DCAF1: variants seen among roughly 807,000 people sequenced by gnomAD.
DCAF1 encodes DDB1 and CUL4 associated factor 1.
Under a neutral mutation model 128.0 loss-of-function variants are expected in DCAF1, and 15 were observed. That is an observed-to-expected ratio of 0.12 (90% CI 0.08 to 0.18). The LOEUF (loss-of-function observed/expected upper bound fraction) is 0.18, where lower values mean the gene tolerates loss of function less well. DCAF1 is among the 10% of genes least tolerant of loss of function. The pLI is 1.00. For synonymous variants in DCAF1, 610 were observed against 603.0 expected (o/e 1.01, Z -0.17); for missense variants, 988 against 1,649.5 (o/e 0.60, Z 6.95).
intron 5 of DCAF1, among the ~76,000 whole-genome samples, chr3:51,464,566 C>T (rs1045237875): frequency 6.6e-6 from 1 of 151,834 alleles, no homozygotes; most frequent in Non-Finnish European, 1.5e-5. Context: ...CATGGTGGCA[C>T]ATGCCTGTGG....
rs1703214426 is a variant in DCAF1, at chr3:51,458,822, C to A, written c.375+4292G>T. On this transcript the variant is annotated intron_variant, in intron 6 of 24. Transcript: ENST00000684031. The stretch of plus-strand genomic sequence containing the variant: ...CCTGCTCCTGAATGACTACTAGGTA[C>A]ATAATGAAATGAAGGCAGAAATAAA... Among the ~76,000 whole-genome samples, 8 of 152,236 alleles carry A rather than the reference C, an allele frequency of 5.3e-5. No individual in the cohort carries two copies. In the South Asian group the frequency reaches 1.2e-3, roughly 24 times the overall value.
At chr3:51,456,672 C>T (rs993837107) in intron 6 of DCAF1, among the ~76,000 whole-genome samples, 21 of 152,298 alleles carry the variant, frequency 1.4e-4, no homozygotes, top group African/African-American at 3.4e-4. Flanking sequence ...CCAGTAGGGG[C>T]GGACTGACAC....
chr3:51,420,201 C>T lies in DCAF1; in HGVS notation c.2769G>A (p.Ala923=), dbSNP rs781936668. Reference sequence around the variant, plus strand: ...GAGGATGAGCAGTAGGGGCAGAAGGCGCAGAGGCACCCACAGCAGCATGGC... The same window carrying T: ...GAGGATGAGCAGTAGGGGCAGAAGGTGCAGAGGCACCCACAGCAGCATGGC... ...LGSHAAVGAS[A]PSAPTAHPQP... Residue 923 remains alanine, a synonymous_variant, in exon 15 of 25, where the codon GCG becomes GCA. Transcript: ENST00000684031. The surrounding 1 kb of genome is among the most constrained non-coding windows in gnomAD (Gnocchi z 6.5). The T allele has an allele frequency of 1.2e-5, 19 of 1,613,830 alleles. No homozygotes were observed. The Admixed American group carries it at 1.5e-4, about 13-fold the overall frequency.
chr3:51,446,963 A>AATAATAAT (rs1701913898), intron 6 of DCAF1, among the ~76,000 whole-genome samples: 5 of 136,968 alleles, frequency 3.7e-5, no homozygotes, highest in Admixed American at 1.5e-4. Context: ...TTTGTCTCAA[A>AATAATAAT]AATAATAATA....
intron 6 of DCAF1, among the ~76,000 whole-genome samples, chr3:51,447,879 C>CA (rs1419196157): frequency 2.0e-5 from 3 of 151,850 alleles, no homozygotes; most frequent in Non-Finnish European, 4.4e-5. Flanking sequence ...ACCTGGGAGG[C>CA]AGAGTTGCAG....
chr3:51,465,936 C>T (rs542965350), intron 5 of DCAF1, among the ~76,000 whole-genome samples: 7 of 151,884 alleles, frequency 4.6e-5, no homozygotes, highest in Non-Finnish European at 8.8e-5. Flanking sequence ...CAGTGGTTCA[C>T]GTCTGTAATC....
chr3:51,396,302 C>G (rs561984480), downstream of DCAF1: 24 of 185,706 alleles, frequency 1.3e-4, no homozygotes, highest in Non-Finnish European at 2.6e-4. Context: ...TCCCATGGCC[C>G]CAAAAAGAAC....
intron 10 of DCAF1, among the ~76,000 whole-genome samples, chr3:51,432,495 G>A (rs1700480024): frequency 6.6e-6 from 1 of 150,736 alleles, no homozygotes; most frequent in Non-Finnish European, 1.5e-5. Flanking sequence ...GTCTTGCTCT[G>A]TAGCCCAGGC....
At chr3:51,436,043 C>T (rs1700797047) in intron 9 of DCAF1, among the ~76,000 whole-genome samples, 2 of 152,184 alleles carry the variant, frequency 1.3e-5, no homozygotes, top group South Asian at 4.1e-4. Context: ...GAAGAAAATT[C>T]CCAGGATGAT....
intron 13 of DCAF1, among the ~76,000 whole-genome samples, chr3:51,423,819 CAAAAAAAA>C (rs200404018): frequency 1.1e-4 from 8 of 70,658 alleles, no homozygotes; most frequent in African/African-American, 4.1e-4. Flanking sequence ...GACTCCGTTT[CAAAAAAAA>C]AAAAAAAAAG....
intron 5 of DCAF1, 86 bp downstream of exon 5, chr3:51,466,717 G>T: frequency 7.3e-7 from 1 of 1,376,454 alleles, no homozygotes; most frequent in Non-Finnish European, 1.0e-6. Context: ...AAGGCCTTAG[G>T]AGAAGGCAAA....
At chr3:51,490,532 A>G (rs1707511279) in intron 2 of DCAF1, among the ~76,000 whole-genome samples, 1 of 152,218 alleles carries the variant, frequency 6.6e-6, no homozygotes, top group Admixed American at 6.6e-5. Context: ...TAACCTAAAT[A>G]AACAAAAAGA....
At chr3:51,486,815 GTAGAGA>G (rs1707013501) in intron 2 of DCAF1, among the ~76,000 whole-genome samples, 1 of 151,664 alleles carries the variant, frequency 6.6e-6, no homozygotes, top group African/African-American at 2.4e-5. Flanking sequence ...TGTATTTTTA[GTAGAGA>G]TAGAGTTTCA....
intron 17 of DCAF1, 34 bp from the exon 18 acceptor site, chr3:51,416,905 G>T (rs374432545): frequency 7.7e-5 from 121 of 1,580,050 alleles, no homozygotes; most frequent in Non-Finnish European, 1.0e-4. Flanking sequence ...TGAAGTGACA[G>T]ATCTTCAGGA....
chr3:51,422,511 C>G (rs1699497307), intron 13 of DCAF1, 80 bp from the exon 14 acceptor site: 1 of 702,514 alleles, frequency 1.4e-6, no homozygotes, highest in Non-Finnish European at 2.7e-6. Context: ...GACACACAGA[C>G]AGATAGACAC....
At chr3:51,492,099 CA>C (rs1210242501) in intron 2 of DCAF1, among the ~76,000 whole-genome samples, 1 of 148,642 alleles carries the variant, frequency 6.7e-6, no homozygotes, top group Non-Finnish European at 1.5e-5. Context: ...GCGGAAGTTG[CA>C]GTGAGCCGAG....
At chr3:51,431,400 A>C (rs1321076748) in intron 10 of DCAF1, among the ~76,000 whole-genome samples, 2 of 150,924 alleles carry the variant, frequency 1.3e-5, no homozygotes, top group Non-Finnish European at 3.0e-5. Context: ...CGTGCCTGTG[A>C]TCCCAGCTAT....
chr3:51,471,018 A>C lies in DCAF1; in HGVS notation c.111-13T>G, dbSNP rs187358958. 1 of 1,583,870 alleles carries C rather than the reference A, an allele frequency of 6.3e-7. No individual in the cohort carries two copies. The highest frequency in any genetic ancestry group is 8.6e-7 in the Non-Finnish European group (1 of 1,158,908). On this transcript the variant is annotated splice_polypyrimidine_tract_variant and intron_variant, in intron 3 of 24. Coordinates refer to ENST00000684031, the MANE Select transcript of DCAF1 (RefSeq NM_001387579.1). ...CAATTGAGACATCCTAGCACAAAGG[A>C]AACAAGGGGTCAACTCTGGACAAGC...
chr3:51,450,186 A>T (rs1411236468), intron 6 of DCAF1, among the ~76,000 whole-genome samples: 2 of 152,198 alleles, frequency 1.3e-5, no homozygotes, highest in African/African-American at 4.8e-5. Flanking sequence ...CTCTTTAAAT[A>T]ATTAAATAAA....
Sources: allele counts gnomAD v4.1 joint callset (sites outside exome capture counted in the v4.1 genomes callset), GRCh38; gene constraint gnomAD v4.1.1; non-coding constraint Gnocchi (gnomAD v3.1); transcripts MANE v1.5; gene names NCBI Gene and HGNC (gene_info 2026-07-23, HGNC 2026-07-21).